ANK3: variants seen among roughly 807,000 people sequenced by gnomAD.
ANK3 encodes ankyrin-3.
ANK3 carries 57 observed loss-of-function variants against 370.9 expected under a neutral mutation model. The ratio of observed to expected loss-of-function variants is 0.15; its 90% confidence interval spans 0.12 to 0.19. The LOEUF (loss-of-function observed/expected upper bound fraction) is 0.19. Among genes scored for constraint, ANK3 ranks in the 10% least tolerant of loss-of-function variants. The pLI is 1.00. For missense variants in ANK3, 4,439 were observed against 5,302.1 expected (o/e 0.84, Z 5.06); for synonymous variants, 1,929 against 1,946.3 (o/e 0.99, Z 0.23).
intron 2 of ANK3, among the ~76,000 whole-genome samples, chr10:60,447,920 GTTCCCCTTAAAGGAATGACA>G (rs916340255): frequency 1.3e-5 from 2 of 152,118 alleles, no homozygotes; most frequent in Non-Finnish European, 2.9e-5. Flanking sequence ...TTATGGTTTT[GTTCCCCTTAAAGGAATGACA>G]TTCACAAATA....
At position 60,305,486 on chromosome 10, in the gene ANK3, T is replaced by G. The variant is rs1215958589; in HGVS notation, c.115-25847A>C. Among the ~76,000 whole-genome samples the G allele has an allele frequency of 2.0e-5, 3 of 152,090 alleles. No homozygotes were observed. The East Asian group carries it at 5.8e-4, about 30-fold the overall frequency. On this transcript the variant is annotated intron_variant, in intron 1 of 43. Coordinates refer to ENST00000280772, the MANE Select transcript of ANK3 (RefSeq NM_020987.5). ...CAAGATATTACTCTGCACATTTAATTTAGCCCTCTGCTCTCAATTTTTTAA... is the reference window on the plus strand; with the variant it reads ...CAAGATATTACTCTGCACATTTAATGTAGCCCTCTGCTCTCAATTTTTTAA...
At chr10:60,063,088 A>C in intron 40 of ANK3, 23 bp downstream of exon 40, 1 of 1,600,696 alleles carries the variant, frequency 6.2e-7, no homozygotes. Flanking sequence ...GATTAAATAA[A>C]TATGAACACT....
intron 2 of ANK3, among the ~76,000 whole-genome samples, chr10:60,425,149 G>A (rs10994341): frequency 0.36 from 55,102 of 151,778 alleles, 10,356 homozygotes; most frequent in South Asian, 0.43. Context: ...GGTGGGGCAC[G>A]TGATGGAGTC....
chr10:60,555,817 G>A (rs1391272097), intron 2 of ANK3, among the ~76,000 whole-genome samples: 1 of 152,188 alleles, frequency 6.6e-6, no homozygotes, highest in Non-Finnish European at 1.5e-5. Context: ...CCTGATATGT[G>A]GGAATTTTCC....
chr10:60,481,452 G>A (rs2075213205), intron 2 of ANK3, among the ~76,000 whole-genome samples: 1 of 148,174 alleles, frequency 6.7e-6, no homozygotes, highest in African/African-American at 2.5e-5. Context: ...TATTGGCTAT[G>A]AACACAAGGA....
intron 43 of ANK3, among the ~76,000 whole-genome samples, chr10:60,042,039 G>A: frequency 6.6e-6 from 1 of 152,168 alleles, no homozygotes; most frequent in East Asian, 1.9e-4. Flanking sequence ...TAGCTAAGTA[G>A]AAATAAATAG....
intron 1 of ANK3, among the ~76,000 whole-genome samples, chr10:60,637,356 A>G (rs2078568884): frequency 6.6e-6 from 1 of 152,186 alleles, no homozygotes; most frequent in South Asian, 2.1e-4. Flanking sequence ...TAGCAATTGC[A>G]TTTGATACAC....
chr10:60,435,398 C>T lies in ANK3; in HGVS notation c.97-155759G>A, dbSNP rs1036088953. On this transcript the variant is annotated intron_variant, in intron 2 of 43. Coordinates refer to the ANK3 transcript ENST00000373827. ...ATATTATTTTCTCTTACTTCCAGCA[C>T]ATTTTCTTTTCTTAGAACAATCTTT... is the stretch of plus-strand genomic sequence containing the variant. 6.6e-5 allele frequency among the ~76,000 whole-genome samples: 10 copies of T among 152,282 alleles called. No homozygotes were observed. The Middle Eastern group carries it at 0.01, about 155-fold the overall frequency.
intron 2 of ANK3, among the ~76,000 whole-genome samples, chr10:60,398,245 A>G (rs376973654): frequency 6.6e-6 from 1 of 152,362 alleles, no homozygotes; most frequent in East Asian, 1.9e-4. Flanking sequence ...CTAACCATTT[A>G]AAATGTAAAT....
At chr10:60,230,941 C>T (rs1035652402) in intron 8 of ANK3, among the ~76,000 whole-genome samples, 6 of 151,154 alleles carry the variant, frequency 4.0e-5, no homozygotes, top group African/African-American at 1.5e-4. Flanking sequence ...TCATCATATC[C>T]TAGCTAAACA....
Position 60,105,976 on chromosome 10 carries a change from T to G in ANK3, c.3257A>C (p.Glu1086Ala). 6.2e-7 allele frequency: 1 copy of G among 1,613,052 alleles called. No individual in the cohort carries two copies. The highest frequency in any genetic ancestry group is 8.5e-7 in the Non-Finnish European group (1 of 1,179,488). ...GTCAAACTGATGCTCCTTCCAAGTT[T>G]CACCATTTTCACTTCGAAGAACAAT... is the stretch of plus-strand genomic sequence containing the variant. Reference protein sequence around the residue: ...ELIVLRSENGETWKEHQFDSK... With the variant: ...ELIVLRSENGATWKEHQFDSK... The change falls in exon 28 of 44, where the codon GAA becomes GCA. Residue 1086 changes from glutamate (E) to alanine (A), a missense_variant. This residue lies in a region of ANK3 where 702 missense variants were observed against 941.5 expected (regional missense o/e 0.75). Transcript: ENST00000280772.
chr10:60,527,534 T>C lies in ANK3; in HGVS notation c.96+87652A>G, dbSNP rs112847953. On this transcript the variant is annotated intron_variant, in intron 2 of 43. Coordinates refer to the ANK3 transcript ENST00000373827. ...CCTAAGGCTAAGAACCTTAAGAAAA[T>C]CAGATTTTTTTCTGAAAGTATTACT... Among the ~76,000 whole-genome samples, 89 of 152,036 alleles carry C rather than the reference T, an allele frequency of 5.9e-4. 1 individual carries two copies. Among genetic ancestry groups the C allele is most frequent in the African/African-American group, 2.0e-3 (81 of 41,494 alleles).
intron 11 of ANK3, among the ~76,000 whole-genome samples, chr10:60,203,923 T>C (rs2096722484): frequency 6.6e-6 from 1 of 152,240 alleles, no homozygotes; most frequent in Admixed American, 6.5e-5. Context: ...TATGAAATGA[T>C]TCCATTTTAA....
At chr10:60,537,393 A>C (rs1026397433) in intron 2 of ANK3, among the ~76,000 whole-genome samples, 1 of 152,016 alleles carries the variant, frequency 6.6e-6, no homozygotes, top group African/African-American at 2.4e-5. Flanking sequence ...AGATTGTTGT[A>C]TGAAAAATAC....
rs984408771 is a variant in ANK3 at position 60,690,216 on chromosome 10, A to T, written c.57+43047T>A. 2.6e-5 allele frequency among the ~76,000 whole-genome samples: 4 copies of T among 152,304 alleles called. 1 individual carries two copies. The South Asian group carries it at 8.3e-4, about 32-fold the overall frequency. On this transcript the variant is annotated intron_variant, in intron 1 of 43. Transcript: ENST00000373827. ...CATTTCCAACTGAGGCACCTGGTTC[A>T]TCTCATTGGGACTGGTTGGACAGTG...
In ANK3 at chr10:60,070,968, G is replaced by A; in HGVS notation, c.9913C>T (p.Pro3305Ser). Residue 3305 changes from proline (P) to serine (S), a missense_variant, in exon 37 of 44, where the codon CCT (proline) becomes TCT (serine). Around this residue, in one of 13 missense-constraint regions of ANK3, gnomAD observed 1,601 missense variants for 1,731.7 expected, o/e 0.92. Coordinates refer to ENST00000280772, the MANE Select transcript of ANK3 (RefSeq NM_020987.5). This position sits in a 1 kb window ranked among gnomAD's most constrained non-coding sequence, Gnocchi z 5.7. ...TCTGCCCCGGGAGGAACTGGTGAAGGTGGCTGCACTCTAATGACAGGTTCA... is the reference window on the plus strand; with the variant it reads ...TCTGCCCCGGGAGGAACTGGTGAAGATGGCTGCACTCTAATGACAGGTTCA... ...LAEPVIRVQPPSPVPPGADVS... is the reference protein window; with the variant it reads ...LAEPVIRVQPSSPVPPGADVS... 1.2e-6 allele frequency: 2 copies of A among 1,614,082 alleles called. No individual in the cohort carries two copies. The highest frequency in any genetic ancestry group is 1.7e-6 in the Non-Finnish European group (2 of 1,179,996).
chr10:60,116,778 G>GA (rs56179712), intron 25 of ANK3, among the ~76,000 whole-genome samples: 104,832 of 151,348 alleles, frequency 0.69, 37,009 homozygotes, highest in East Asian at 0.93. Context: ...GTCCTAGAAA[G>GA]AAAAAAAATT....
intron 36 of ANK3, among the ~76,000 whole-genome samples, chr10:60,076,672 A>G (rs1256523960): frequency 1.3e-5 from 2 of 152,148 alleles, no homozygotes; most frequent in Non-Finnish European, 2.9e-5. Context: ...ACAACTAAAT[A>G]AAAAACAGAG....
intron 1 of ANK3, among the ~76,000 whole-genome samples, chr10:60,702,015 TTGGG>T (rs2079551456): frequency 1.3e-5 from 2 of 152,056 alleles, no homozygotes; most frequent in South Asian, 4.1e-4. Flanking sequence ...TTCCAGCACT[TTGGG>T]AGTCTGAGGC....
Sources: gnomAD v4.1 joint callset for allele counts (sites outside exome capture counted in the v4.1 genomes callset) on GRCh38, gnomAD v4.1.1 for gene constraint, gnomAD v4.1.1 regional missense constraint, Gnocchi (gnomAD v3.1) non-coding constraint, MANE v1.5 for transcripts, NCBI Gene and HGNC (gene_info 2026-07-23, HGNC 2026-07-21) for gene names.